SYT2: variants seen among roughly 807,000 people sequenced by gnomAD.
The protein encoded by SYT2 is synaptotagmin 2, also known as synaptotagmin-2.
A neutral mutation model predicts 39.9 loss-of-function variants in SYT2; 15 were observed. The observed-to-expected ratio is 0.38, with a 90% CI of 0.25 to 0.58. The LOEUF (loss-of-function observed/expected upper bound fraction) is 0.58, where lower values mean the gene tolerates loss of function less well. Among genes scored for constraint, SYT2 ranks in the 20% least tolerant of loss-of-function variants. SYT2 has a pLI of 0.70. For synonymous variants in SYT2, 181 were observed against 204.5 expected (o/e 0.89, Z 0.98); for missense variants, 389 against 530.3 (o/e 0.73, Z 2.62).
intron 1 of SYT2, among the ~76,000 whole-genome samples, chr1:202,690,381 G>A (rs1653790101): frequency 6.6e-6 from 1 of 152,180 alleles, no homozygotes; most frequent in African/African-American, 2.4e-5. Flanking sequence ...AGAGGTGGCT[G>A]GGCAAAAAGT....
intron 1 of SYT2, among the ~76,000 whole-genome samples, chr1:202,683,458 G>A (rs946522805): frequency 3.9e-5 from 6 of 152,174 alleles, no homozygotes; most frequent in African/African-American, 1.4e-4. Flanking sequence ...GTGTATACTG[G>A]CGAATGTGGT....
intron 1 of SYT2, among the ~76,000 whole-genome samples, chr1:202,687,019 T>C (rs1653685482): frequency 1.3e-5 from 2 of 152,182 alleles, no homozygotes; most frequent in Admixed American, 6.5e-5. Flanking sequence ...TATATTCACT[T>C]ACCCTTCTGT....
intron 1 of SYT2, among the ~76,000 whole-genome samples, chr1:202,624,345 TCA>T (rs202162038): frequency 6.9e-6 from 1 of 144,894 alleles, no homozygotes; most frequent in African/African-American, 2.7e-5. Flanking sequence ...TAGTGGGGTG[TCA>T]GGGGGTATGT....
chr1:202,622,230 C>T (rs1691220926), intron 1 of SYT2, among the ~76,000 whole-genome samples: 1 of 152,230 alleles, frequency 6.6e-6, no homozygotes, highest in Non-Finnish European at 1.5e-5. Context: ...TGCACCAATG[C>T]TTCAGTCCAA....
intron 1 of SYT2, among the ~76,000 whole-genome samples, chr1:202,629,220 T>C (rs2149089413): frequency 6.6e-6 from 1 of 152,348 alleles, no homozygotes; most frequent in East Asian, 1.9e-4. Context: ...CCCATGCCTT[T>C]AGCTCCAGCC....
At chr1:202,662,861 A>G (rs996947024) in intron 1 of SYT2, among the ~76,000 whole-genome samples, 1 of 152,232 alleles carries the variant, frequency 6.6e-6, no homozygotes, top group Non-Finnish European at 1.5e-5. Flanking sequence ...TAATGTGTAC[A>G]GAATAGATTT....
chr1:202,638,136 C>G (rs1258230702), intron 1 of SYT2, among the ~76,000 whole-genome samples: 1 of 152,192 alleles, frequency 6.6e-6, no homozygotes, highest in Non-Finnish European at 1.5e-5. Flanking sequence ...TGCTAAGATG[C>G]GATTCCATGA....
chr1:202,706,461 C>T (rs1217619790), intron 1 of SYT2, among the ~76,000 whole-genome samples: 3 of 152,152 alleles, frequency 2.0e-5, no homozygotes, highest in Admixed American at 1.3e-4. Context: ...ACACGCTTTA[C>T]AGGAATTAAC....
intron 5 of SYT2, 142 bp from the exon 6 acceptor site, chr1:202,602,199 G>C: frequency 1.5e-6 from 1 of 669,574 alleles, no homozygotes; most frequent in Non-Finnish European, 2.4e-6. Flanking sequence ...TTGGGGAGCA[G>C]AGTGTGAGGG....
intron 1 of SYT2, among the ~76,000 whole-genome samples, chr1:202,707,079 A>G (rs1202208029): frequency 1.3e-5 from 2 of 152,176 alleles, no homozygotes; most frequent in African/African-American, 2.4e-5. Context: ...CGAGGGCAGG[A>G]AACAGGTCTG....
Position 202,632,668 on chromosome 1 carries a change from C to T in SYT2, c.-17-26879G>A, listed in dbSNP as rs142515677. The T allele has an allele frequency of 1.3e-4, 107 of 847,582 alleles. No individual in the cohort carries two copies. The East Asian group carries it at 0.012, about 93-fold the overall frequency. 52.5% of individuals were successfully genotyped at this position (847,582 alleles called of 1,614,324 possible). ...AAGACACAGAGACACAGACCTGCCCCGGAGGAATCCAGAGCCCACCTGCCC... is the reference window on the plus strand; with the variant it reads ...AAGACACAGAGACACAGACCTGCCCTGGAGGAATCCAGAGCCCACCTGCCC... On this transcript the variant is annotated intron_variant, in intron 1 of 8. Transcript: ENST00000367268.
intron 1 of SYT2, among the ~76,000 whole-genome samples, chr1:202,674,930 C>A (rs529872828): frequency 2.0e-5 from 3 of 152,344 alleles, no homozygotes; most frequent in African/African-American, 7.2e-5. Context: ...CAGCCTGCTT[C>A]GCCTCCTTCA....
intron 1 of SYT2, among the ~76,000 whole-genome samples, chr1:202,689,598 C>T (rs1235104855): frequency 6.6e-6 from 1 of 152,070 alleles, no homozygotes; most frequent in East Asian, 1.9e-4. Flanking sequence ...TCTGAGCACC[C>T]CTTCCTCATC....
chr1:202,666,996 TACAAA>T (rs1165011390), intron 1 of SYT2, among the ~76,000 whole-genome samples: 3 of 151,968 alleles, frequency 2.0e-5, no homozygotes, highest in Non-Finnish European at 2.9e-5. Context: ...AAACAAAACG[TACAAA>T]ACAAACAAAA....
intron 1 of SYT2, among the ~76,000 whole-genome samples, chr1:202,699,617 G>A (rs1342395573): frequency 6.6e-6 from 1 of 152,218 alleles, no homozygotes; most frequent in Admixed American, 6.5e-5. Flanking sequence ...AGTGATAGCT[G>A]TATAATGTTG....
chr1:202,632,056 GA>G, intron 1 of SYT2: 1 of 985,444 alleles, frequency 1.0e-6, no homozygotes, highest in African/African-American at 1.7e-5. Context: ...CACTCTGCAG[GA>G]AGGGGCTGAG....
At chr1:202,613,068 CTTTTTTTTTTTT>C (rs146069389) in intron 1 of SYT2, among the ~76,000 whole-genome samples, 22 of 75,112 alleles carry the variant, frequency 2.9e-4, no homozygotes, top group Non-Finnish European at 3.6e-4. Context: ...TTGGTTCTTC[CTTTTTTTTTTTT>C]TTTTTTTTTT....
intron 1 of SYT2, among the ~76,000 whole-genome samples, chr1:202,707,121 C>T (rs146805987): frequency 6.6e-6 from 1 of 152,274 alleles, no homozygotes; most frequent in Non-Finnish European, 1.5e-5. Context: ...CATTGCCTAG[C>T]ACAGATTCTC....
At chr1:202,708,301 C>G (rs1654301717) in intron 1 of SYT2, among the ~76,000 whole-genome samples, 1 of 152,114 alleles carries the variant, frequency 6.6e-6, no homozygotes, top group South Asian at 2.1e-4. Context: ...AGACTCCCAG[C>G]AGAGTGGTCT....
Sources: gnomAD v4.1 joint callset for allele counts (sites outside exome capture counted in the v4.1 genomes callset) on GRCh38, gnomAD v4.1.1 for gene constraint, MANE v1.5 for transcripts, NCBI Gene and HGNC (gene_info 2026-07-23, HGNC 2026-07-21) for gene names.